Variants in N4BP2 observed in about 807,000 individuals in gnomAD.
N4BP2 encodes the protein NEDD4-binding protein 2.
A neutral mutation model predicts 152.8 loss-of-function variants in N4BP2; 91 were observed. The observed-to-expected ratio is 0.60, with a 90% confidence interval of 0.50 to 0.71. The LOEUF (loss-of-function observed/expected upper bound fraction) is 0.71, where lower values mean the gene tolerates loss of function less well. Ranked by LOEUF, N4BP2 falls within the 30% of genes least tolerant of loss-of-function variation. The pLI is 0.00. For synonymous variants in N4BP2, 646 were observed against 705.3 expected (o/e 0.92, Z 1.33); for missense variants, 1,923 against 2,059.1 (o/e 0.93, Z 1.28).
chr4:40,128,452 G>T (rs1281388765), intron 12 of N4BP2, among the ~76,000 whole-genome samples: 1 of 151,886 alleles, frequency 6.6e-6, no homozygotes, highest in Non-Finnish European at 1.5e-5. Context: ...CTCTTCAGTA[G>T]ATCTTAAAAT....
downstream of N4BP2, among the ~76,000 whole-genome samples, chr4:40,162,601 A>G (rs1721887768): frequency 6.6e-6 from 1 of 152,232 alleles, no homozygotes; most frequent in Admixed American, 6.5e-5. Context: ...TGGGATATTT[A>G]GAGGTATGCC....
chr4:40,183,458 C>T, the N4BP2 span, among the ~76,000 whole-genome samples: 8 of 152,054 alleles, frequency 5.3e-5, no homozygotes, highest in South Asian at 1.7e-3. Context: ...GCCTCAGCCT[C>T]CCGAGTAGCT....
chr4:40,057,064 T>C, intron 1 of N4BP2, 34 bp downstream of exon 1: 1 of 152,322 alleles, frequency 6.6e-6, no homozygotes, highest in Non-Finnish European at 1.5e-5. Flanking sequence ...GGGAGGCGGG[T>C]CCAAGGTGAG....
chr4:40,062,914 T>A (rs1733773997), intron 1 of N4BP2, among the ~76,000 whole-genome samples: 1 of 152,218 alleles, frequency 6.6e-6, no homozygotes, highest in Admixed American at 6.6e-5. Context: ...TTTTATTACA[T>A]TGTGATTGCT....
At chr4:40,147,863 G>A (rs1720740315) in intron 16 of N4BP2, among the ~76,000 whole-genome samples, 1 of 152,030 alleles carries the variant, frequency 6.6e-6, no homozygotes, top group Non-Finnish European at 1.5e-5. Flanking sequence ...GTCGCGGCCA[G>A]GCAGAGGCGC....
intron 1 of N4BP2, among the ~76,000 whole-genome samples, chr4:40,068,945 C>A (rs1035148888): frequency 2.1e-5 from 3 of 143,260 alleles, no homozygotes; most frequent in African/African-American, 7.8e-5. Context: ...ATGGTGAAAC[C>A]CCTGTCTCTA....
At chr4:40,091,090 G>A (rs1483033057) in intron 2 of N4BP2, among the ~76,000 whole-genome samples, 2 of 147,882 alleles carry the variant, frequency 1.4e-5, no homozygotes, top group Non-Finnish European at 3.0e-5. Flanking sequence ...TATAAATACA[G>A]TTTCTTTTAT....
At chr4:40,106,476 C>T (rs1716301464) in intron 4 of N4BP2, among the ~76,000 whole-genome samples, 1 of 152,124 alleles carries the variant, frequency 6.6e-6, no homozygotes, top group South Asian at 2.1e-4. Context: ...ACTACCACAC[C>T]TGCCTAATTT....
At chr4:40,109,801 A>T (rs1267243156) in intron 5 of N4BP2, among the ~76,000 whole-genome samples, 2 of 152,324 alleles carry the variant, frequency 1.3e-5, no homozygotes, top group Non-Finnish European at 1.5e-5. Flanking sequence ...ATTCATTTTA[A>T]AACTGCTTTG....
intron 3 of N4BP2, among the ~76,000 whole-genome samples, chr4:40,100,750 C>A (rs866719906): frequency 3.3e-5 from 5 of 152,150 alleles, no homozygotes; most frequent in Non-Finnish European, 5.9e-5. Flanking sequence ...AGTCCTGGCT[C>A]TGTCACTGAC....
At chr4:40,086,220 A>T (rs75860795) in intron 2 of N4BP2, among the ~76,000 whole-genome samples, 1 of 151,314 alleles carries the variant, frequency 6.6e-6, no homozygotes, top group Non-Finnish European at 1.5e-5. Context: ...TGCCAGACCA[A>T]CCTGGATTAC....
rs1290520709 is a variant in N4BP2, at chr4:40,120,748, C to A, written c.2637C>A (p.Phe879Leu). The A allele has an allele frequency of 1.2e-6, 2 of 1,613,926 alleles. No homozygotes were observed. The highest frequency in any genetic ancestry group is 3.3e-5 in the Admixed American group (2 of 59,986). Reference sequence around the variant, plus strand: ...ATAAAAATATTGACAAAAACTCATTCAACATTATGGGTGACTGGCCTTCAT... The same window carrying A: ...ATAAAAATATTGACAAAAACTCATTAAACATTATGGGTGACTGGCCTTCAT... The part of the protein sequence containing the change: ...DAYKNIDKNS[F>L]NIMGDWPSSD... Residue 879 changes from phenylalanine to leucine, a missense_variant, in exon 9 of 18, where the codon TTC (phenylalanine) becomes TTA (leucine). Transcript: ENST00000261435.
In N4BP2 at chr4:40,120,990, G is replaced by A. The variant is rs1717849415; in HGVS notation, c.2879G>A (p.Ser960Asn). 1 of 1,614,040 alleles carries A rather than the reference G, an allele frequency of 6.2e-7. No homozygotes were observed. The highest frequency in any genetic ancestry group is 1.3e-5 in the African/African-American group (1 of 74,928). Residue 960 changes from serine (S) to asparagine (N), a missense_variant, in exon 9 of 18, where the codon AGT becomes AAT. Transcript: ENST00000261435. The stretch of plus-strand genomic sequence containing the variant: ...CTGCTCAGTGAAATGACCTGTGAGA[G>A]TCAGACTTGTCTAAGTAAAAAGAGT... ...EMLLSEMTCE[S>N]QTCLSKKSHG...
intron 4 of N4BP2, 72 bp downstream of exon 4, chr4:40,103,290 C>T (rs969124877): frequency 9.7e-6 from 13 of 1,334,790 alleles, no homozygotes; most frequent in Non-Finnish European, 1.3e-5. Context: ...AATAAATAGG[C>T]AAAATGCTTT....
intron 13 of N4BP2, among the ~76,000 whole-genome samples, chr4:40,135,246 A>G (rs76931928): frequency 0.13 from 19,901 of 150,962 alleles, 1,681 homozygotes; most frequent in East Asian, 0.32. Flanking sequence ...ATGATTTCCA[A>G]TTTCATCCAT....
the N4BP2 span, among the ~76,000 whole-genome samples, chr4:40,175,186 A>G: frequency 6.6e-6 from 1 of 151,450 alleles, no homozygotes; most frequent in African/African-American, 2.4e-5. Flanking sequence ...GTGCCTGGCT[A>G]AGTTTGTTTT....
At chr4:40,088,752 G>A (rs1463483769) in intron 2 of N4BP2, among the ~76,000 whole-genome samples, 1 of 152,000 alleles carries the variant, frequency 6.6e-6, no homozygotes. Context: ...TGCCCGCCTT[G>A]GCCTCCCAAA....
chr4:40,137,181 A>G (rs1476021211), intron 14 of N4BP2, 99 bp downstream of exon 14: 1 of 985,136 alleles, frequency 1.0e-6, no homozygotes, highest in Non-Finnish European at 1.4e-6. Context: ...ATTTCTCACC[A>G]TTTTGACTAG....
In N4BP2 at chr4:40,106,943, G is replaced by A; in HGVS notation, c.1417G>A (p.Asp473Asn). 2 of 1,612,200 alleles carry A rather than the reference G, an allele frequency of 1.2e-6. No individual in the cohort carries two copies. Among genetic ancestry groups the A allele is most frequent in the Non-Finnish European group, 1.7e-6 (2 of 1,178,380 alleles). The change falls in exon 5 of 18, where the codon GAT becomes AAT. Residue 473 changes from aspartate (D) to asparagine (N), a missense_variant. By Grantham distance (23) the Asp-to-Asn change is conservative. Transcript: ENST00000261435. The part of the protein sequence containing the change: ...DNPSGVILST[D>N]DYFYINGQYQ... ...TCCAAGTGGAGTCATTCTTAGTACT[G>A]ATGATTATTTTTATATAAATGGACA...
Sources: allele counts gnomAD v4.1 joint callset (sites outside exome capture counted in the v4.1 genomes callset), GRCh38; gene constraint gnomAD v4.1.1; transcripts MANE v1.5; gene names NCBI Gene and HGNC (gene_info 2026-07-23, HGNC 2026-07-21).